VAPB: variants seen among roughly 807,000 people sequenced by gnomAD.
VAPB encodes the protein vesicle-associated membrane protein-associated protein B/C.
VAPB carries 7 observed loss-of-function variants against 25.6 expected under a neutral mutation model. The observed-to-expected ratio is 0.27, with a 90% CI of 0.16 to 0.51. The LOEUF (loss-of-function observed/expected upper bound fraction) is 0.51, where lower values mean the gene tolerates loss of function less well. Ranked by LOEUF, VAPB falls within the 20% of genes least tolerant of loss-of-function variation. The probability of loss-of-function intolerance (pLI) is 0.97; values close to 1 mark genes in which losing one functional copy is unlikely to be tolerated. For missense variants in VAPB, 266 were observed against 301.3 expected (o/e 0.88, Z 0.87); for synonymous variants, 112 against 109.2 (o/e 1.03, Z -0.16).
At chr20:58,405,961 G>C (rs1988220858) in intron 1 of VAPB, among the ~76,000 whole-genome samples, 1 of 151,906 alleles carries the variant, frequency 6.6e-6, no homozygotes, top group African/African-American at 2.4e-5. Flanking sequence ...TAGATTAAAT[G>C]TAGAGGAATA....
intron 1 of VAPB, among the ~76,000 whole-genome samples, chr20:58,411,765 G>A (rs181125553): frequency 1.3e-5 from 2 of 152,210 alleles, no homozygotes; most frequent in East Asian, 3.9e-4. Flanking sequence ...TGGAAGCTCC[G>A]CCTCCCTGGT....
At chr20:58,440,813 C>G (rs983607139) in intron 4 of VAPB, 94 bp from the exon 5 acceptor site, 1 of 1,142,336 alleles carries the variant, frequency 8.8e-7, no homozygotes, top group Non-Finnish European at 1.3e-6. Flanking sequence ...AATGCTACCA[C>G]GTTTGGTGTT....
chr20:58,391,207 A>G (rs915625902), intron 1 of VAPB, among the ~76,000 whole-genome samples: 1 of 152,182 alleles, frequency 6.6e-6, no homozygotes, highest in Non-Finnish European at 1.5e-5. Flanking sequence ...ACATTTACTG[A>G]GTACCTGATC....
intron 3 of VAPB, among the ~76,000 whole-genome samples, chr20:58,438,573 C>G (rs1989095960): frequency 6.6e-6 from 1 of 152,212 alleles, no homozygotes; most frequent in Non-Finnish European, 1.5e-5. Flanking sequence ...GCCACCATGC[C>G]CAGCTGAAAA....
intron 4 of VAPB, 150 bp downstream of exon 4, chr20:58,439,175 G>A: frequency 9.8e-6 from 7 of 716,536 alleles, no homozygotes; most frequent in South Asian, 5.0e-5. Context: ...CAGCAAATAA[G>A]TGGGCCTTTA....
In VAPB at chr20:58,450,858, T is replaced by C. The variant is rs149378945; in HGVS notation, c.*6623T>C. 1.5e-4 allele frequency: 67 copies of C among 454,184 alleles called. No individual in the cohort carries two copies. The Middle Eastern group carries it at 2.1e-3, about 14-fold the overall frequency. 28.1% of individuals were successfully genotyped at this position (454,184 alleles called of 1,614,324 possible). A position where few individuals can be genotyped will look rare whatever the true frequency, so the allele number is the denominator to read the frequency against. On this transcript the variant is annotated 3_prime_UTR_variant, in exon 6 of 6. Coordinates refer to ENST00000475243, the MANE Select transcript of VAPB (RefSeq NM_004738.5). ...TTAAAAAGTTGGTGCAGGAAAGGAC[T>C]CTTTACTGTTGCACATTTTGGTTTT...
At chr20:58,439,142 G>A (rs904434048) in intron 4 of VAPB, 117 bp downstream of exon 4, 38 of 977,692 alleles carry the variant, frequency 3.9e-5, no homozygotes, top group African/African-American at 8.2e-5. Flanking sequence ...TCTGATGTCT[G>A]AAGAAAAAAA....
At chr20:58,392,224 A>G (rs6015263) in intron 1 of VAPB, among the ~76,000 whole-genome samples, 32,421 of 152,164 alleles carry the variant, frequency 0.21, 3,964 homozygotes, top group African/African-American at 0.32. Context: ...AAGGAATGAC[A>G]TGGCTGTTAG....
intron 5 of VAPB, among the ~76,000 whole-genome samples, chr20:58,443,397 G>GT (rs1989202548): frequency 6.7e-5 from 6 of 89,690 alleles, no homozygotes; most frequent in Admixed American, 2.0e-4. Context: ...CCCACTTTTA[G>GT]GTTTTTTTTT....
At chr20:58,429,777 A>G (rs574416671) in intron 2 of VAPB, among the ~76,000 whole-genome samples, 28 of 152,362 alleles carry the variant, frequency 1.8e-4, no homozygotes, top group Non-Finnish European at 3.5e-4. Context: ...GGTACTACAC[A>G]GAGCCACCAG....
intron 2 of VAPB, among the ~76,000 whole-genome samples, chr20:58,433,773 G>A (rs1200852018): frequency 6.6e-6 from 1 of 152,244 alleles, no homozygotes; most frequent in Non-Finnish European, 1.5e-5. Context: ...CATGCCCACT[G>A]TTGTGGTCAA....
chr20:58,443,217 T>C (rs1298547130), intron 5 of VAPB, among the ~76,000 whole-genome samples: 4 of 152,120 alleles, frequency 2.6e-5, no homozygotes, highest in Admixed American at 2.0e-4. Flanking sequence ...TGAAAAAGAA[T>C]GTTGCTTCTT....
At chr20:58,438,544 G>A (rs1045812777) in intron 3 of VAPB, among the ~76,000 whole-genome samples, 1 of 152,198 alleles carries the variant, frequency 6.6e-6, no homozygotes, top group Non-Finnish European at 1.5e-5. Flanking sequence ...CTCCCAAAGT[G>A]CTGGGATTAC....
rs779115045 is a variant in VAPB, at chr20:58,434,710, G to C, written c.315+5G>C. 7.4e-7 allele frequency: 1 copy of C among 1,352,762 alleles called. No individual in the cohort carries two copies. 83.8% of individuals were successfully genotyped at this position (1,352,762 alleles called of 1,614,324 possible). A position where few individuals can be genotyped will look rare whatever the true frequency, so the allele number is the denominator to read the frequency against. On this transcript the variant is annotated splice_donor_5th_base_variant and intron_variant, in intron 3 of 5. Transcript: ENST00000475243. ...ACTTCAGATATGGAAGCAGTAGTAA[G>C]TACTGAATGCTTCTTATTTTTTTCA...
chr20:58,427,273 AT>A (rs1331037976), intron 2 of VAPB, among the ~76,000 whole-genome samples: 378 of 95,082 alleles, frequency 4.0e-3, no homozygotes, highest in East Asian at 9.1e-3. Flanking sequence ...TGTTACCATT[AT>A]GATGCAGGCG....
chr20:58,411,545 T>G (rs904887043), intron 1 of VAPB, among the ~76,000 whole-genome samples: 1 of 152,242 alleles, frequency 6.6e-6, no homozygotes, highest in Non-Finnish European at 1.5e-5. Context: ...GCCTCCTGAT[T>G]ACAGGCGTGA....
In VAPB at chr20:58,447,862, C is replaced by T. The variant is rs1290890955; in HGVS notation, c.*3627C>T. The stretch of plus-strand genomic sequence containing the variant: ...ATTTCTCATTGTAGTTTGAGAAATA[C>T]ATGTATGAAGAGATAGGGGTCTTGG... On this transcript the variant is annotated 3_prime_UTR_variant, in exon 6 of 6. Transcript: ENST00000475243. The T allele has an allele frequency of 8.8e-6, 4 of 453,782 alleles. No homozygotes were observed. The highest frequency in any genetic ancestry group is 4.0e-5 in the African/African-American group (2 of 49,916). 28.1% of individuals were successfully genotyped at this position (453,782 alleles called of 1,614,324 possible). A position where few individuals can be genotyped will look rare whatever the true frequency, so the allele number is the denominator to read the frequency against.
intron 2 of VAPB, among the ~76,000 whole-genome samples, chr20:58,418,929 C>G (rs1988609674): frequency 1.3e-5 from 2 of 152,148 alleles, no homozygotes; most frequent in Non-Finnish European, 2.9e-5. Flanking sequence ...TCTCTTCTGT[C>G]TGGGAGTGCA....
intron 2 of VAPB, among the ~76,000 whole-genome samples, chr20:58,423,027 C>A (rs1179830604): frequency 6.6e-6 from 1 of 152,102 alleles, no homozygotes; most frequent in East Asian, 1.9e-4. Context: ...AATTAGAATT[C>A]AAAGGATTAA....
Sources: allele counts gnomAD v4.1 joint callset (sites outside exome capture counted in the v4.1 genomes callset), GRCh38; gene constraint gnomAD v4.1.1; transcripts MANE v1.5; gene names NCBI Gene and HGNC (gene_info 2026-07-23, HGNC 2026-07-21).